Variants in EEF1AKMT1 observed in about 807,000 individuals in gnomAD.
EEF1AKMT1 encodes N-6 adenine-specific DNA methyltransferase 2 (putative).
Under a neutral mutation model 21.0 loss-of-function variants are expected in EEF1AKMT1, and 18 were observed. The observed-to-expected ratio is 0.86, with a 90% CI of 0.59 to 1.27. The LOEUF (loss-of-function observed/expected upper bound fraction) is 1.27, where lower values mean the gene tolerates loss of function less well. Among genes scored for constraint, EEF1AKMT1 ranks in the 50% most tolerant of loss-of-function variants. The pLI is 0.00. For missense variants in EEF1AKMT1, 246 were observed against 258.6 expected (o/e 0.95, Z 0.33); for synonymous variants, 109 against 94.8 (o/e 1.15, Z -0.87).
intron 2 of EEF1AKMT1, among the ~76,000 whole-genome samples, chr13:20,746,601 C>T (rs942897902): frequency 6.6e-6 from 1 of 152,212 alleles, no homozygotes; most frequent in African/African-American, 2.4e-5. Flanking sequence ...TGCTATCATG[C>T]ACCGTAAGTG....
intron 1 of EEF1AKMT1, among the ~76,000 whole-genome samples, chr13:20,773,015 A>T (rs1336469825): frequency 6.6e-6 from 1 of 152,132 alleles, no homozygotes; most frequent in Non-Finnish European, 1.5e-5. Context: ...ATATTCTCCA[A>T]ATACTTTTTA....
Position 20,748,715 on chromosome 13 carries a change from GTTTTTTTTT to G in EEF1AKMT1, c.144+8731_144+8739del, listed in dbSNP as rs1258578179. On this transcript the variant is annotated intron_variant, in intron 2 of 4. Coordinates refer to ENST00000382758, the MANE Select transcript of EEF1AKMT1 (RefSeq NM_001318939.2). ...TTCTTCACCCTCCTAATGTATAGTT[GTTTTTTTTT>G]GGTTTTTTTTTTTTTTTTTTTTTGA... 2.2e-3 allele frequency among the ~76,000 whole-genome samples: 232 copies of G among 105,830 alleles called. 1 individual carries two copies. The highest frequency in any genetic ancestry group is 0.011 in the East Asian group (36 of 3,372). 69.4% of individuals were successfully genotyped at this position (105,830 alleles called of 152,430 possible).
intron 1 of EEF1AKMT1, among the ~76,000 whole-genome samples, chr13:20,770,198 A>G (rs902739213): frequency 6.6e-6 from 1 of 152,088 alleles, no homozygotes; most frequent in Non-Finnish European, 1.5e-5. Context: ...ACGTGAAATA[A>G]GCCAGTCATT....
intron 2 of EEF1AKMT1, among the ~76,000 whole-genome samples, chr13:20,757,063 C>A (rs968950661): frequency 6.6e-6 from 1 of 152,164 alleles, no homozygotes; most frequent in African/African-American, 2.4e-5. Context: ...AACCGCCGAA[C>A]GTGGGTACGA....
chr13:20,750,407 C>A (rs1269924789), intron 2 of EEF1AKMT1, among the ~76,000 whole-genome samples: 1 of 152,100 alleles, frequency 6.6e-6, no homozygotes. Flanking sequence ...TCCATGACAT[C>A]AACATTTTTA....
At chr13:20,757,888 C>A (rs1229200301) in intron 1 of EEF1AKMT1, among the ~76,000 whole-genome samples, 1 of 152,154 alleles carries the variant, frequency 6.6e-6, no homozygotes, top group African/African-American at 2.4e-5. Flanking sequence ...CCAGTATAAA[C>A]ATTAAAACAG....
At chr13:20,771,578 T>C (rs980915481) in intron 1 of EEF1AKMT1, among the ~76,000 whole-genome samples, 1 of 152,164 alleles carries the variant, frequency 6.6e-6, no homozygotes. Context: ...ATAAGATTAA[T>C]GGAGGAACAC....
rs369146044 is a variant in EEF1AKMT1, at chr13:20,758,915, T to C, written c.-19-1298A>G. 8.7e-4 allele frequency among the ~76,000 whole-genome samples: 132 copies of C among 152,196 alleles called. 3 individuals are homozygous for C. The South Asian group carries it at 0.026, about 29-fold the overall frequency. On this transcript the variant is annotated intron_variant, in intron 1 of 4. Coordinates refer to ENST00000382758, the MANE Select transcript of EEF1AKMT1 (RefSeq NM_001318939.2). ...CGATCAAGTCAACAAAAATAAACAA[T>C]GGGGAAAGGATATTCTATTCAATAA...
intron 1 of EEF1AKMT1, among the ~76,000 whole-genome samples, chr13:20,762,632 G>C (rs905329319): frequency 2.0e-5 from 3 of 152,016 alleles, no homozygotes; most frequent in Non-Finnish European, 4.4e-5. Flanking sequence ...TTCCACCTCA[G>C]CCTCCCAAGC....
chr13:20,761,304 T>C (rs566635060), intron 1 of EEF1AKMT1, among the ~76,000 whole-genome samples: 1 of 152,224 alleles, frequency 6.6e-6, no homozygotes, highest in Non-Finnish European at 1.5e-5. Flanking sequence ...TCAATAATTT[T>C]GTCACTTTAG....
At chr13:20,753,770 CT>C (rs796894275) in intron 2 of EEF1AKMT1, among the ~76,000 whole-genome samples, 2 of 151,462 alleles carry the variant, frequency 1.3e-5, no homozygotes, top group Non-Finnish European at 2.9e-5. Context: ...CATGGAATAT[CT>C]TTTTTTTTCC....
chr13:20,763,660 C>T (rs1236771037), intron 1 of EEF1AKMT1, among the ~76,000 whole-genome samples: 4 of 152,082 alleles, frequency 2.6e-5, no homozygotes, highest in African/African-American at 9.7e-5. Flanking sequence ...ACCATGTTGG[C>T]CAGGCCAGTC....
intron 1 of EEF1AKMT1, among the ~76,000 whole-genome samples, chr13:20,772,011 C>A (rs199555171): frequency 3.1e-4 from 46 of 148,190 alleles, no homozygotes; most frequent in East Asian, 5.9e-4. Flanking sequence ...GACTACATTT[C>A]AAAAAAAAAA....
At chr13:20,740,807 C>CA (rs1438522604) in intron 2 of EEF1AKMT1, among the ~76,000 whole-genome samples, 1 of 150,826 alleles carries the variant, frequency 6.6e-6, no homozygotes, top group African/African-American at 2.4e-5. Context: ...AGTCTCAAAA[C>CA]AAAAAAACCA....
intron 2 of EEF1AKMT1, among the ~76,000 whole-genome samples, chr13:20,742,790 C>G (rs879294523): frequency 3.3e-5 from 5 of 152,192 alleles, no homozygotes; most frequent in Admixed American, 6.5e-5. Context: ...CTTGTTGCAA[C>G]AAGTAACAGA....
chr13:20,750,764 C>T (rs370647558), intron 2 of EEF1AKMT1, among the ~76,000 whole-genome samples: 5 of 152,320 alleles, frequency 3.3e-5, no homozygotes, highest in African/African-American at 4.8e-5. Flanking sequence ...AATCACCATA[C>T]TGTTTTCCAC....
chr13:20,765,410 T>TTTTG (rs1595030990), intron 1 of EEF1AKMT1, among the ~76,000 whole-genome samples: 1 of 122,224 alleles, frequency 8.2e-6, no homozygotes. Context: ...CTTGGGTTTT[T>TTTTG]TTTTTTTTTT....
chr13:20,744,680 T>C (rs1162222289), intron 2 of EEF1AKMT1, among the ~76,000 whole-genome samples: 1 of 152,222 alleles, frequency 6.6e-6, no homozygotes, highest in East Asian at 1.9e-4. Context: ...AGAAGCTCTT[T>C]AGTTTAATTA....
chr13:20,755,035 G>T (rs1295457862), intron 2 of EEF1AKMT1, among the ~76,000 whole-genome samples: 1 of 152,232 alleles, frequency 6.6e-6, no homozygotes, highest in Non-Finnish European at 1.5e-5. Flanking sequence ...AGGGAGGGTG[G>T]TGTGGCTTTC....
Sources: gnomAD v4.1 joint callset for allele counts (sites outside exome capture counted in the v4.1 genomes callset) on GRCh38, gnomAD v4.1.1 for gene constraint, MANE v1.5 for transcripts, NCBI Gene and HGNC (gene_info 2026-07-23, HGNC 2026-07-21) for gene names.